Variants in SCN4A observed in about 807,000 individuals in gnomAD.
SCN4A encodes sodium channel protein type 4 subunit alpha.
A neutral mutation model predicts 162.0 loss-of-function variants in SCN4A; 83 were observed. That is an observed-to-expected ratio of 0.51 (90% CI 0.43 to 0.61). SCN4A has a LOEUF of 0.61. Among genes scored for constraint, SCN4A ranks in the 20% least tolerant of loss-of-function variants. SCN4A has a pLI of 0.00. For missense variants in SCN4A, 2,196 were observed against 2,462.5 expected, an observed-to-expected ratio of 0.89 and a Z score of 2.29; for synonymous variants, 944 against 985.1, an observed-to-expected ratio of 0.96 and a Z score of 0.78.
At chr17:63,963,102 G>A (rs982286903) in intron 10 of SCN4A, among the ~76,000 whole-genome samples, 6 of 151,502 alleles carry the variant, frequency 4.0e-5, no homozygotes, top group South Asian at 4.2e-4. Context: ...CCATCCATCC[G>A]TCCGTCCATC....
At chr17:63,960,901 AGG>A in intron 11 of SCN4A, among the ~76,000 whole-genome samples, 1 of 136,200 alleles carries the variant, frequency 7.3e-6, no homozygotes, top group East Asian at 2.1e-4. Flanking sequence ...CCCTGCTTCC[AGG>A]GCATGGTCTG....
In SCN4A at chr17:63,951,057, G is replaced by A. The variant is rs899300994; in HGVS notation, c.2853+367C>T. The stretch of plus-strand genomic sequence containing the variant: ...GGCAAGGGGCCTCAAACCCAGAGGA[G>A]AATATGTAAGAGAGGCCTCTCAGGT... On this transcript the variant is annotated intron_variant, in intron 14 of 23. Transcript: ENST00000435607. The surrounding 1 kb of genome is among the most constrained non-coding windows in gnomAD (Gnocchi z 4.5). Among the ~76,000 whole-genome samples the A allele has an allele frequency of 1.3e-5, 2 of 152,216 alleles. No individual in the cohort carries two copies. Among genetic ancestry groups the A allele is most frequent in the Non-Finnish European group, 2.9e-5 (2 of 68,034 alleles).
chr17:63,970,910 A>C (rs1909590194), intron 5 of SCN4A, among the ~76,000 whole-genome samples: 1 of 152,232 alleles, frequency 6.6e-6, no homozygotes, highest in African/African-American at 2.4e-5. Flanking sequence ...CTGGGATTAT[A>C]GGCGTGAGCC....
Position 63,947,957 on chromosome 17 carries a change from C to T in SCN4A, c.3251G>A (p.Trp1084Ter). The T allele has an allele frequency of 6.2e-7, 1 of 1,614,024 alleles. No homozygotes were observed. Among genetic ancestry groups the T allele is most frequent in the Non-Finnish European group, 8.5e-7 (1 of 1,179,916 alleles). ...YIFIMEMLLK[W>*]VAYGFKVYFT... ...GTACACCTTAAAGCCGTAGGCCACC[C>T]ATTTGAGCAGCATCTCCATGATGAA... The change falls in exon 17 of 24, where the codon TGG (tryptophan) becomes TAG (stop). Residue 1084 changes from tryptophan to a stop codon, truncating the protein, a stop_gained. Coordinates refer to ENST00000435607, the MANE Select transcript of SCN4A (RefSeq NM_000334.4). LOFTEE classifies it high-confidence loss of function.
At chr17:63,946,736 C>T (rs576155237) in intron 18 of SCN4A, among the ~76,000 whole-genome samples, 28 of 152,342 alleles carry the variant, frequency 1.8e-4, no homozygotes, top group African/African-American at 5.5e-4. Flanking sequence ...CTTCCTTCCT[C>T]CTCTTCCCTG....
chr17:63,967,375 A>T (rs1909482198), intron 6 of SCN4A, among the ~76,000 whole-genome samples: 1 of 151,202 alleles, frequency 6.6e-6, no homozygotes, highest in Non-Finnish European at 1.5e-5. Context: ...CTGGTCTGGA[A>T]CTCCTGACCT....
At chr17:63,963,081 C>G (rs990512850) in intron 10 of SCN4A, among the ~76,000 whole-genome samples, 52 of 143,102 alleles carry the variant, frequency 3.6e-4, no homozygotes, top group Admixed American at 7.3e-4. Context: ...CCCTCTCATC[C>G]ATCCATCCAT....
At position 63,964,379 on chromosome 17, in the gene SCN4A, C is replaced by G. The variant is rs41280106; in HGVS notation, c.1452+89G>C. On this transcript the variant is annotated intron_variant, in intron 9 of 23. Transcript: ENST00000435607. ...CCCCTACCCCTGTACCCTCCCTCAC[C>G]CTCGGCCCCCCAGGGAGAAGCCAGT... 8,734 of 1,200,658 alleles carry G rather than the reference C, an allele frequency of 7.3e-3. 43 individuals are homozygous for G. Among genetic ancestry groups the G allele is most frequent in the Non-Finnish European group, 9.5e-3 (7,783 of 821,272 alleles). The allele number at this position is 1,200,658 out of a possible 1,614,324, so 74.4% of individuals were successfully genotyped here.
In SCN4A at chr17:63,951,362, G is replaced by T; in HGVS notation, c.2853+62C>A. On this transcript the variant is annotated intron_variant, in intron 14 of 23. Coordinates refer to ENST00000435607, the MANE Select transcript of SCN4A (RefSeq NM_000334.4). This position sits in a 1 kb window ranked among gnomAD's most constrained non-coding sequence, Gnocchi z 4.5. ...AACTGAGGCTCAGAGAGGACTTAGGGCTTGCTCCAGGTCACAGGAGAATTT... is the reference window on the plus strand; with the variant it reads ...AACTGAGGCTCAGAGAGGACTTAGGTCTTGCTCCAGGTCACAGGAGAATTT... 1 of 1,179,926 alleles carries T rather than the reference G, an allele frequency of 8.5e-7. No homozygotes were observed. The highest frequency in any genetic ancestry group is 1.2e-6 in the Non-Finnish European group (1 of 832,514). 73.1% of individuals were successfully genotyped at this position (1,179,926 alleles called of 1,614,324 possible).
chr17:63,946,441 T>C (rs1280822418), intron 18 of SCN4A, among the ~76,000 whole-genome samples: 1 of 146,856 alleles, frequency 6.8e-6, no homozygotes, highest in African/African-American at 2.6e-5. Flanking sequence ...TCTCTCTTCC[T>C]GGGGAAGTCC....
intron 12 of SCN4A, among the ~76,000 whole-genome samples, chr17:63,958,570 T>G (rs1011439887): frequency 2.6e-5 from 4 of 152,196 alleles, no homozygotes; most frequent in Non-Finnish European, 5.9e-5. Flanking sequence ...TTGTTTTTTT[T>G]GAGACAGAGT....
At chr17:63,953,850 C>T (rs1209949021) in intron 13 of SCN4A, among the ~76,000 whole-genome samples, 4 of 152,152 alleles carry the variant, frequency 2.6e-5, no homozygotes, top group East Asian at 1.9e-4. Flanking sequence ...AGCCAGGACT[C>T]GAACCAGGAT....
chr17:63,949,839 G>T (rs1205966284), intron 14 of SCN4A: 2 of 242,996 alleles, frequency 8.2e-6, no homozygotes. Context: ...GCCCGAGTGG[G>T]GGGTCTGGGA....
intron 5 of SCN4A, among the ~76,000 whole-genome samples, chr17:63,969,608 A>G (rs1242270575): frequency 6.6e-6 from 1 of 152,108 alleles, no homozygotes; most frequent in Non-Finnish European, 1.5e-5. Flanking sequence ...AGACTAGAAG[A>G]TAGCTCAGGT....
In SCN4A at chr17:63,951,058, A is replaced by G. The variant is rs996378848; in HGVS notation, c.2853+366T>C. On this transcript the variant is annotated intron_variant, in intron 14 of 23. Transcript: ENST00000435607. The surrounding 1 kb of genome is among the most constrained non-coding windows in gnomAD (Gnocchi z 4.5). ...GCAAGGGGCCTCAAACCCAGAGGAG[A>G]ATATGTAAGAGAGGCCTCTCAGGTC... Among the ~76,000 whole-genome samples, 3 of 152,152 alleles carry G rather than the reference A, an allele frequency of 2.0e-5. No individual in the cohort carries two copies. The highest frequency in any genetic ancestry group is 4.4e-5 in the Non-Finnish European group (3 of 68,014).
At position 63,952,636 on chromosome 17, in the gene SCN4A, C is replaced by T. The variant is rs1908950149; in HGVS notation, c.2377-736G>A. Among the ~76,000 whole-genome samples the T allele has an allele frequency of 2.0e-5, 3 of 152,308 alleles. No individual in the cohort carries two copies. In the South Asian group the frequency reaches 6.2e-4, roughly 32 times the overall value. ...GTGCAGAAGCTTGGCCCCTGCTACT[C>T]TGGAAGGGACATCTGACCTACTATT... is the stretch of plus-strand genomic sequence containing the variant. On this transcript the variant is annotated intron_variant, in intron 13 of 23. Transcript: ENST00000435607.
rs375638751 is a variant in SCN4A, at chr17:63,942,025, C to A, written c.4289-32G>T. ...GGAGAAGCTAGTGAGGACGCTGCCA[C>A]TGGGGAGGGGGGCCGGCACAGGGTG... is the stretch of plus-strand genomic sequence containing the variant. On this transcript the variant is annotated intron_variant, in intron 23 of 23. Transcript: ENST00000435607. 8.0e-4 allele frequency: 1,217 copies of A among 1,528,286 alleles called. 2 individuals carry two copies. The highest frequency in any genetic ancestry group is 9.4e-4 in the Non-Finnish European group (1,071 of 1,136,214). 94.7% of individuals were successfully genotyped at this position (1,528,286 alleles called of 1,614,324 possible). A position where few individuals can be genotyped will look rare whatever the true frequency, so the allele number is the denominator to read the frequency against.
At position 63,945,304 on chromosome 17, in the gene SCN4A, C is replaced by G; in HGVS notation, c.3720+56G>C. 2 of 1,493,692 alleles carry G rather than the reference C, an allele frequency of 1.3e-6. No individual in the cohort carries two copies. The highest frequency in any genetic ancestry group is 2.4e-5 in the South Asian group (2 of 82,622). The allele number at this position is 1,493,692 out of a possible 1,614,324, so 92.5% of individuals were successfully genotyped here. A position where few individuals can be genotyped will look rare whatever the true frequency, so the allele number is the denominator to read the frequency against. On this transcript the variant is annotated intron_variant, in intron 19 of 23. Transcript: ENST00000435607. The surrounding 1 kb of genome is among the most constrained non-coding windows in gnomAD (Gnocchi z 4.4). ...CTGGGGTTGGGTACAACGAGAGGAC[C>G]GGGGTGGGGGGCACCTCCATCCAGG... is the stretch of plus-strand genomic sequence containing the variant.
rs114059193 is a variant in SCN4A at position 63,942,816 on chromosome 17, C to A, written c.4288+10G>T. The stretch of plus-strand genomic sequence containing the variant: ...AGTGCTGCCCTGCCGGTCCAGCCCG[C>A]CCCGCTCACCCACAATGGACAGGAT... On this transcript the variant is annotated intron_variant, in intron 23 of 23. Coordinates refer to ENST00000435607, the MANE Select transcript of SCN4A (RefSeq NM_000334.4). 8,824 of 1,611,392 alleles carry A rather than the reference C, an allele frequency of 5.5e-3. 428 individuals are homozygous for A. In the African/African-American group the frequency reaches 0.1, roughly 19 times the overall value.
Sources: allele counts gnomAD v4.1 joint callset (sites outside exome capture counted in the v4.1 genomes callset), GRCh38; gene constraint gnomAD v4.1.1; non-coding constraint Gnocchi (gnomAD v3.1); transcripts MANE v1.5; gene names NCBI Gene and HGNC (gene_info 2026-07-23, HGNC 2026-07-21).